The following CCDC141 variants were observed in gnomAD, a reference collection of about 807,000 sequenced individuals.
CCDC141 encodes the protein coiled-coil domain-containing protein 141.
A neutral mutation model predicts 181.0 loss-of-function variants in CCDC141; 168 were observed. That is an observed-to-expected ratio of 0.93 (90% CI 0.82 to 1.05). CCDC141 has a LOEUF of 1.05. Among genes scored for constraint, CCDC141 ranks in the 50% least tolerant of loss-of-function variants. The probability of loss-of-function intolerance (pLI) is 0.00; values close to 1 mark genes in which losing one functional copy is unlikely to be tolerated. For synonymous variants in CCDC141, 666 were observed against 642.3 expected (o/e 1.04, Z -0.56); for missense variants, 1,902 against 1,788.5 (o/e 1.06, Z -1.14).
At chr2:178,880,979 T>C (rs1175455905) in intron 11 of CCDC141, among the ~76,000 whole-genome samples, 1 of 152,184 alleles carries the variant, frequency 6.6e-6, no homozygotes, top group Non-Finnish European at 1.5e-5. Context: ...TTGGAGCTCA[T>C]GACAGTTGGG....
chr2:178,883,361 C>T (rs1360938469), intron 11 of CCDC141, among the ~76,000 whole-genome samples: 8 of 152,238 alleles, frequency 5.3e-5, no homozygotes, highest in African/African-American at 1.9e-4. Context: ...TTACACATTG[C>T]ATGCCTGCAT....
intron 2 of CCDC141, among the ~76,000 whole-genome samples, chr2:178,982,599 T>C (rs1253276655): frequency 6.6e-6 from 1 of 152,076 alleles, no homozygotes; most frequent in Non-Finnish European, 1.5e-5. Flanking sequence ...CGCAGGTCAG[T>C]GGGTGCACGC....
chr2:178,876,572 T>C lies in CCDC141; in HGVS notation c.1899+1392A>G, dbSNP rs980671019. On this transcript the variant is annotated intron_variant, in intron 12 of 23. Coordinates refer to ENST00000443758, the MANE Select transcript of CCDC141 (RefSeq NM_173648.4). ...CATTATAGACTTAATACAAAGATTATGAAGTAGCGGCTGAATGAAGTACTA... is the reference window on the plus strand; with the variant it reads ...CATTATAGACTTAATACAAAGATTACGAAGTAGCGGCTGAATGAAGTACTA... 1.4e-4 allele frequency: 21 copies of C among 152,330 alleles called. No individual in the cohort carries two copies. The East Asian group carries it at 3.5e-3, about 25-fold the overall frequency. 9.4% of individuals were successfully genotyped at this position (152,330 alleles called of 1,614,324 possible). A position where few individuals can be genotyped will look rare whatever the true frequency, so the allele number is the denominator to read the frequency against.
At chr2:179,002,356 T>C (rs73041995) in intron 2 of CCDC141, 26,196 of 282,740 alleles carry the variant, frequency 0.093, 1,476 homozygotes, top group African/African-American at 0.13. Context: ...GATTGCATTG[T>C]GGATGTCAAT....
intron 12 of CCDC141, chr2:178,877,209 A>T (rs1686391207): frequency 1.3e-5 from 2 of 152,210 alleles, no homozygotes; most frequent in Admixed American, 1.3e-4. Flanking sequence ...AAACTCAGAC[A>T]TAGCAACTGT....
At chr2:178,936,514 T>C (rs1007840270) in intron 6 of CCDC141, among the ~76,000 whole-genome samples, 8 of 152,158 alleles carry the variant, frequency 5.3e-5, no homozygotes, top group African/African-American at 1.9e-4. Context: ...TAGTATAGTT[T>C]GAACTTTGGT....
chr2:178,857,356 C>T (rs1299092204), intron 17 of CCDC141, among the ~76,000 whole-genome samples: 2 of 152,140 alleles, frequency 1.3e-5, no homozygotes, highest in African/African-American at 2.4e-5. Flanking sequence ...AATTATTTTT[C>T]GTGAGCAGTT....
chr2:179,011,243 A>G (rs2042262655), intron 2 of CCDC141, among the ~76,000 whole-genome samples: 1 of 152,188 alleles, frequency 6.6e-6, no homozygotes, highest in Non-Finnish European at 1.5e-5. Flanking sequence ...TGCCTAACAC[A>G]TAAGAACTCA....
chr2:179,012,357 T>G (rs554462841), intron 2 of CCDC141, among the ~76,000 whole-genome samples: 1 of 151,960 alleles, frequency 6.6e-6, no homozygotes, highest in Non-Finnish European at 1.5e-5. Context: ...TTCATGCACA[T>G]AGAAAACCTA....
In CCDC141 at chr2:178,885,090, C is replaced by A. The variant is rs1051369128; in HGVS notation, c.1530G>T (p.Glu510Asp). ...CAGCTGCTTCTAATTCATGTGATGT[C>A]TCCTGTAAAAGCAAAGCACTGGAGG... ...KYLELDIQAK[E>D]TSHELEAAAK... The change falls in exon 11 of 24, where the codon GAG (glutamate) becomes GAT (aspartate). Residue 510 changes from glutamate (E) to aspartate (D), a missense_variant and splice_region_variant. Coordinates refer to ENST00000443758, the MANE Select transcript of CCDC141 (RefSeq NM_173648.4). 6.5e-6 allele frequency: 10 copies of A among 1,547,074 alleles called. No individual in the cohort carries two copies. In the African/African-American group the frequency reaches 1.2e-4, roughly 19 times the overall value.
chr2:178,881,890 G>GTC (rs575583072), intron 11 of CCDC141, among the ~76,000 whole-genome samples: 4,449 of 94,316 alleles, frequency 0.047, 235 homozygotes, highest in African/African-American at 0.13. Context: ...GTGAGACCCT[G>GTC]TCTCTCTCTC....
At chr2:178,995,303 T>C (rs1471823686) in intron 2 of CCDC141, among the ~76,000 whole-genome samples, 2 of 152,178 alleles carry the variant, frequency 1.3e-5, no homozygotes, top group Admixed American at 6.5e-5. Context: ...CTTACATGGA[T>C]AGCAGCAGGC....
chr2:178,944,622 T>C lies in CCDC141; in HGVS notation c.810A>G (p.Arg270=), dbSNP rs1689655670. The change falls in exon 6 of 24, where the codon AGA becomes AGG. Residue 270 remains arginine (R), a synonymous_variant. Coordinates refer to ENST00000443758, the MANE Select transcript of CCDC141 (RefSeq NM_173648.4). The part of the protein sequence containing the change: ...QVTCWFQKTI[R]NLQEQSLGSS... ...AACCTAGACTTTGTTCCTGTAAATT[T>C]CTTATAGTTTTCTGAAACCAACAAG... is the stretch of plus-strand genomic sequence containing the variant. The C allele has an allele frequency of 5.9e-6, 9 of 1,524,562 alleles. No homozygotes were observed. The highest frequency in any genetic ancestry group is 7.9e-6 in the Non-Finnish European group (9 of 1,135,706). 94.4% of individuals were successfully genotyped at this position (1,524,562 alleles called of 1,614,324 possible).
At position 178,944,624 on chromosome 2, in the gene CCDC141, T is replaced by C. The variant is rs1367645231; in HGVS notation, c.808A>G (p.Arg270Gly). The change falls in exon 6 of 24, where the codon AGA becomes GGA. Residue 270 changes from arginine to glycine, a missense_variant. Physicochemically the swap from Arg to Gly is moderately radical, Grantham distance 125. Coordinates refer to ENST00000443758, the MANE Select transcript of CCDC141 (RefSeq NM_173648.4). Reference protein sequence around the residue: ...QVTCWFQKTIRNLQEQSLGSS... With the variant: ...QVTCWFQKTIGNLQEQSLGSS... The stretch of plus-strand genomic sequence containing the variant: ...CCTAGACTTTGTTCCTGTAAATTTC[T>C]TATAGTTTTCTGAAACCAACAAGTA... The C allele has an allele frequency of 8.5e-6, 13 of 1,525,216 alleles. No homozygotes were observed. Among genetic ancestry groups the C allele is most frequent in the Non-Finnish European group, 9.7e-6 (11 of 1,135,694 alleles). The allele number at this position is 1,525,216 out of a possible 1,614,324, so 94.5% of individuals were successfully genotyped here. A position where few individuals can be genotyped will look rare whatever the true frequency, so the allele number is the denominator to read the frequency against.
intron 2 of CCDC141, among the ~76,000 whole-genome samples, chr2:178,999,489 T>C (rs1159141426): frequency 6.6e-6 from 1 of 152,152 alleles, no homozygotes; most frequent in Non-Finnish European, 1.5e-5. Context: ...GTATGCCATA[T>C]AGAACTTTCT....
In CCDC141 at chr2:179,015,732, CATATATATATCTT is replaced by C. The variant is rs1221315213; in HGVS notation, c.225+31539_225+31551del. On this transcript the variant is annotated intron_variant, in intron 2 of 23. Coordinates refer to ENST00000443758, the MANE Select transcript of CCDC141 (RefSeq NM_173648.4). ...TCTCATACATATCTCATATATATCT[CATATATATATCTT>C]ATATATATCTCATATATATCATATA... Among the ~76,000 whole-genome samples, 14 of 131,854 alleles carry C rather than the reference CATATATATATCTT, an allele frequency of 1.1e-4. 1 individual carries two copies. The highest frequency in any genetic ancestry group is 6.1e-3 in the Middle Eastern group (1 of 164). The allele number at this position is 131,854 out of a possible 152,430, so 86.5% of individuals were successfully genotyped here.
intron 22 of CCDC141, among the ~76,000 whole-genome samples, chr2:178,844,060 T>G (rs994335523): frequency 2.0e-5 from 3 of 152,230 alleles, no homozygotes; most frequent in African/African-American, 7.2e-5. Flanking sequence ...AGGAATCTGT[T>G]TCTTCTAACA....
At chr2:178,949,485 G>A (rs138819547) in intron 5 of CCDC141, among the ~76,000 whole-genome samples, 1 of 152,248 alleles carries the variant, frequency 6.6e-6, no homozygotes, top group East Asian at 1.9e-4. Context: ...TTCATACTAT[G>A]CAATATTTTT....
At chr2:178,872,006 T>C (rs1686138556) in intron 13 of CCDC141, 127 bp downstream of exon 13, 4 of 926,602 alleles carry the variant, frequency 4.3e-6, no homozygotes, top group South Asian at 1.9e-5. Context: ...CATTTATAAG[T>C]GGAATCACAC....
Sources: allele counts gnomAD v4.1 joint callset (sites outside exome capture counted in the v4.1 genomes callset), GRCh38; gene constraint gnomAD v4.1.1; transcripts MANE v1.5; gene names NCBI Gene and HGNC (gene_info 2026-07-23, HGNC 2026-07-21).